Variants in FAR1 observed in about 807,000 individuals in gnomAD.
The protein encoded by FAR1 is male sterility domain-containing protein 2.
FAR1 carries 22 observed loss-of-function variants against 61.1 expected under a neutral mutation model. The ratio of observed to expected loss-of-function variants is 0.36; its 90% confidence interval spans 0.26 to 0.51. FAR1 has a LOEUF of 0.51. FAR1 is among the 20% of genes least tolerant of loss of function. The probability of loss-of-function intolerance (pLI) is 0.95; values close to 1 mark genes in which losing one functional copy is unlikely to be tolerated. For missense variants in FAR1, 359 were observed against 626.9 expected, an observed-to-expected ratio of 0.57 and a Z score of 4.56; for synonymous variants, 206 against 209.7, an observed-to-expected ratio of 0.98 and a Z score of 0.15.
intron 9 of FAR1, among the ~76,000 whole-genome samples, chr11:13,716,769 AATTTT>A (rs1314142674): frequency 6.6e-6 from 1 of 152,040 alleles, no homozygotes; most frequent in Middle Eastern, 3.2e-3. Context: ...ATATGTTCAT[AATTTT>A]ATTTTGGTGC....
intron 10 of FAR1, among the ~76,000 whole-genome samples, chr11:13,726,441 A>G (rs931936206): frequency 3.3e-5 from 5 of 152,122 alleles, no homozygotes; most frequent in Non-Finnish European, 5.9e-5. Context: ...TTTCAAGGAT[A>G]TTTACACTGG....
intron 1 of FAR1, among the ~76,000 whole-genome samples, chr11:13,671,142 T>G (rs984819318): frequency 2.6e-5 from 4 of 152,202 alleles, no homozygotes; most frequent in African/African-American, 7.2e-5. Context: ...TGAGGCGACT[T>G]GCAGTAGAGA....
In FAR1 at chr11:13,727,636, G is replaced by A; in HGVS notation, c.1338G>A (p.Leu446=). ...NYCLGTKKYV[L]NEEMSGLPAA... ...GCTTGGGAACTAAGAAGTACGTATT[G>A]AATGAAGAAATGTCTGGCCTCCCTG... Residue 446 remains leucine, a synonymous_variant, in exon 11 of 12, where the codon TTG becomes TTA. Coordinates refer to ENST00000354817, the MANE Select transcript of FAR1 (RefSeq NM_032228.6). The A allele has an allele frequency of 6.2e-7, 1 of 1,610,568 alleles. No individual in the cohort carries two copies. Among genetic ancestry groups the A allele is most frequent in the Non-Finnish European group, 8.5e-7 (1 of 1,177,752 alleles).
intron 2 of FAR1, among the ~76,000 whole-genome samples, chr11:13,695,520 G>T (rs1369760885): frequency 6.6e-6 from 1 of 152,148 alleles, no homozygotes; most frequent in Non-Finnish European, 1.5e-5. Flanking sequence ...TCATAAGTTT[G>T]TGAATTCTCT....
chr11:13,686,587 C>CA (rs2134174066), intron 1 of FAR1: 1 of 152,186 alleles, frequency 6.6e-6, no homozygotes, highest in Non-Finnish European at 1.5e-5. Flanking sequence ...AAGAAGGGAA[C>CA]AAGTAGAGCA....
chr11:13,718,957 T>C (rs977904044), intron 9 of FAR1, among the ~76,000 whole-genome samples: 1 of 151,990 alleles, frequency 6.6e-6, no homozygotes, highest in Non-Finnish European at 1.5e-5. Context: ...TCAGGGGGAG[T>C]TGGACAGCAT....
Position 13,700,447 on chromosome 11 carries a change from T to TTA in FAR1, c.324_325dup (p.Phe109TyrfsTer8), listed in dbSNP as rs1300168716. 1 of 1,584,172 alleles carries TTA rather than the reference T, an allele frequency of 6.3e-7. No homozygotes were observed. The highest frequency in any genetic ancestry group is 1.4e-5 in the African/African-American group (1 of 72,930). On this transcript the variant is annotated frameshift_variant, in exon 3 of 12. Coordinates refer to ENST00000354817, the MANE Select transcript of FAR1 (RefSeq NM_032228.6). LOFTEE classifies it high-confidence loss of function. ...GAGGTGATCATAGATTCTACCAATATTATATTCCACTGTGCAGCTACAGTA... is the reference window on the plus strand; with the variant it reads ...GAGGTGATCATAGATTCTACCAATATTATATATTCCACTGTGCAGCTACAGTA...
intron 1 of FAR1, among the ~76,000 whole-genome samples, chr11:13,693,764 T>C (rs1179482629): frequency 1.3e-5 from 2 of 152,218 alleles, no homozygotes; most frequent in African/African-American, 4.8e-5. Context: ...CAGTCTTATC[T>C]GTTTCTTCTA....
At chr11:13,683,004 C>T (rs532147238) in intron 1 of FAR1, among the ~76,000 whole-genome samples, 3 of 152,080 alleles carry the variant, frequency 2.0e-5, no homozygotes, top group African/African-American at 7.2e-5. Flanking sequence ...GATTATTTAA[C>T]GTAACTTTCT....
At chr11:13,719,631 C>G (rs1038238211) in intron 9 of FAR1, among the ~76,000 whole-genome samples, 2 of 152,164 alleles carry the variant, frequency 1.3e-5, no homozygotes, top group Non-Finnish European at 2.9e-5. Context: ...CTTAACTTCT[C>G]TAAACCAGGT....
At chr11:13,676,242 A>G (rs1848067420) in intron 1 of FAR1, among the ~76,000 whole-genome samples, 1 of 152,206 alleles carries the variant, frequency 6.6e-6, no homozygotes, top group African/African-American at 2.4e-5. Context: ...GGGAAAAACA[A>G]GCTGTAGCCA....
intron 1 of FAR1, among the ~76,000 whole-genome samples, chr11:13,683,392 CAA>C (rs979271677): frequency 7.4e-6 from 1 of 135,932 alleles, no homozygotes; most frequent in African/African-American, 2.7e-5. Flanking sequence ...GACTCCATCT[CAA>C]AAAAAAAAAG....
chr11:13,713,133 T>G, intron 8 of FAR1, 100 bp downstream of exon 8: 5 of 966,616 alleles, frequency 5.2e-6, no homozygotes, highest in Non-Finnish European at 8.4e-6. Flanking sequence ...TTAAGGCCAC[T>G]GAGTTACCAA....
chr11:13,706,499 TTA>T (rs1383911797), intron 3 of FAR1, among the ~76,000 whole-genome samples: 2 of 142,658 alleles, frequency 1.4e-5, no homozygotes, highest in Admixed American at 1.4e-4. Context: ...TTGTTTGTTT[TTA>T]TTTTTTTAAT....
intron 10 of FAR1, among the ~76,000 whole-genome samples, chr11:13,726,544 C>G (rs1848668043): frequency 1.3e-5 from 2 of 152,028 alleles, no homozygotes; most frequent in Middle Eastern, 3.4e-3. Flanking sequence ...AGTCAACTTA[C>G]AGTCTAATAG....
chr11:13,713,523 C>G (rs1336610831), intron 8 of FAR1, among the ~76,000 whole-genome samples: 1 of 152,098 alleles, frequency 6.6e-6, no homozygotes, highest in Non-Finnish European at 1.5e-5. Context: ...AGATTCACAG[C>G]AGATATACAT....
chr11:13,701,572 G>C (rs1042754411), intron 3 of FAR1, among the ~76,000 whole-genome samples: 1 of 151,966 alleles, frequency 6.6e-6, no homozygotes, highest in Admixed American at 6.6e-5. Context: ...ATTAAGTTCT[G>C]ATTACAAAAG....
intron 10 of FAR1, among the ~76,000 whole-genome samples, chr11:13,722,866 A>T (rs568254403): frequency 7.8e-6 from 1 of 128,548 alleles, no homozygotes; most frequent in African/African-American, 2.7e-5. Context: ...CTCTATATAT[A>T]TATATATATA....
intron 1 of FAR1, among the ~76,000 whole-genome samples, chr11:13,680,402 T>C (rs1848115249): frequency 6.6e-6 from 1 of 152,176 alleles, no homozygotes; most frequent in South Asian, 2.1e-4. Context: ...TCAGAGGATG[T>C]TTTCTTTGAT....
Sources: allele counts gnomAD v4.1 joint callset (sites outside exome capture counted in the v4.1 genomes callset), GRCh38; gene constraint gnomAD v4.1.1; transcripts MANE v1.5; gene names NCBI Gene and HGNC (gene_info 2026-07-23, HGNC 2026-07-21).